The following FAM184B variants were observed in gnomAD, a reference collection of about 807,000 sequenced individuals.
FAM184B encodes the protein family with sequence similarity 184 member B, also known as protein FAM184B.
In FAM184B, 111 loss-of-function variants were observed where a neutral mutation model predicts 135.9. That is an observed-to-expected ratio of 0.82 (90% CI 0.70 to 0.96). FAM184B has a LOEUF of 0.96. Among genes scored for constraint, FAM184B ranks in the 40% least tolerant of loss-of-function variants. FAM184B has a pLI of 0.00. For synonymous variants in FAM184B, 552 were observed against 524.8 expected (o/e 1.05, Z -0.71); for missense variants, 1,375 against 1,323.9 (o/e 1.04, Z -0.60).
At chr4:17,760,425 G>A (rs1365408504) in intron 1 of FAM184B, among the ~76,000 whole-genome samples, 5 of 149,916 alleles carry the variant, frequency 3.3e-5, no homozygotes, top group Non-Finnish European at 5.9e-5. Flanking sequence ...AGCCAAGATC[G>A]CACCACTGTA....
chr4:17,651,407 G>A (rs541501946), intron 11 of FAM184B, among the ~76,000 whole-genome samples: 24 of 151,650 alleles, frequency 1.6e-4, no homozygotes, highest in South Asian at 1.3e-3. Flanking sequence ...GCGTGGTGGC[G>A]GGCGCCTGTA....
chr4:17,665,426 C>T (rs781126031), intron 7 of FAM184B, among the ~76,000 whole-genome samples: 3 of 152,140 alleles, frequency 2.0e-5, no homozygotes, highest in Non-Finnish European at 4.4e-5. Flanking sequence ...CCACACTGTC[C>T]ATGAAAACAG....
intron 1 of FAM184B, among the ~76,000 whole-genome samples, chr4:17,755,807 A>T (rs1034171207): frequency 3.3e-5 from 5 of 152,218 alleles, no homozygotes; most frequent in African/African-American, 1.2e-4. Flanking sequence ...CTAACGCAGG[A>T]ACAGAAAACC....
chr4:17,740,645 AG>A (rs935766885), intron 1 of FAM184B, among the ~76,000 whole-genome samples: 82 of 152,346 alleles, frequency 5.4e-4, no homozygotes, highest in African/African-American at 1.9e-3. Flanking sequence ...CACAACAGAC[AG>A]AAAAGGAAGA....
intron 1 of FAM184B, among the ~76,000 whole-genome samples, chr4:17,765,902 C>G (rs975990368): frequency 1.3e-5 from 2 of 152,116 alleles, no homozygotes; most frequent in African/African-American, 4.8e-5. Context: ...TGCAGACCTT[C>G]GCGGTGGTGA....
At chr4:17,636,717 A>G (rs1032146096) in intron 14 of FAM184B, 72 bp from the exon 15 acceptor site, 2 of 1,247,426 alleles carry the variant, frequency 1.6e-6, no homozygotes, top group Non-Finnish European at 2.2e-6. Context: ...ACAAGTGCAC[A>G]CGATGGGAAT....
chr4:17,754,625 A>G (rs1306331425), intron 1 of FAM184B, among the ~76,000 whole-genome samples: 1 of 151,916 alleles, frequency 6.6e-6, no homozygotes, highest in East Asian at 1.9e-4. Flanking sequence ...TTACTGACAC[A>G]TCCTGGGTGG....
chr4:17,731,513 G>A (rs1717774836), intron 1 of FAM184B, among the ~76,000 whole-genome samples: 1 of 152,092 alleles, frequency 6.6e-6, no homozygotes, highest in Non-Finnish European at 1.5e-5. Context: ...ACAAAAAAAG[G>A]CAGGGATTGC....
chr4:17,761,655 C>A (rs1225834601), intron 1 of FAM184B, among the ~76,000 whole-genome samples: 3 of 152,074 alleles, frequency 2.0e-5, no homozygotes, highest in Non-Finnish European at 4.4e-5. Flanking sequence ...GCCTCCCAAG[C>A]AGCTGGGATT....
chr4:17,694,357 A>C (rs984478549), intron 5 of FAM184B, among the ~76,000 whole-genome samples: 4 of 152,112 alleles, frequency 2.6e-5, no homozygotes, highest in African/African-American at 7.2e-5. Flanking sequence ...CCCCGTCTCC[A>C]CTAAAAATAC....
chr4:17,726,796 G>A lies in FAM184B; in HGVS notation c.142-17152C>T, dbSNP rs968296464. On this transcript the variant is annotated intron_variant, in intron 1 of 17. Transcript: ENST00000265018. ...GCAGCTTCAGGATTTTATTTTCCCA[G>A]CTCAGCCTGCCCCAGGAAAGAGAAC... 3.3e-5 allele frequency among the ~76,000 whole-genome samples: 5 copies of A among 152,242 alleles called. No individual in the cohort carries two copies. In the East Asian group the frequency reaches 9.7e-4, roughly 29 times the overall value.
chr4:17,757,441 A>G (rs1458356381), intron 1 of FAM184B, among the ~76,000 whole-genome samples: 1 of 152,172 alleles, frequency 6.6e-6, no homozygotes, highest in African/African-American at 2.4e-5. Context: ...ATTTGGGTTA[A>G]ATATGAACAC....
rs1439397374 is a variant in FAM184B at position 17,635,062 on chromosome 4, T to A, written c.2836A>T (p.Asn946Tyr). The A allele has an allele frequency of 1.9e-6, 3 of 1,551,734 alleles. No individual in the cohort carries two copies. In the African/African-American group the frequency reaches 4.1e-5, roughly 21 times the overall value. The stretch of plus-strand genomic sequence containing the variant: ...TGAGGATTGAAAGAGAAAGACCGAT[T>A]CCGGTGGGACATGGCACTGGGGAAT... ...AAFPSAMSHR[N>Y]RSFSFNPHPG... The change falls in exon 16 of 18, where the codon AAT (asparagine) becomes TAT (tyrosine). Residue 946 changes from asparagine (N) to tyrosine (Y), a missense_variant. By Grantham distance (143) the Asn-to-Tyr change is moderately radical. Coordinates refer to ENST00000265018, the MANE Select transcript of FAM184B (RefSeq NM_015688.2).
chr4:17,731,185 A>G (rs1717766908), intron 1 of FAM184B, among the ~76,000 whole-genome samples: 1 of 152,240 alleles, frequency 6.6e-6, no homozygotes, highest in African/African-American at 2.4e-5. Flanking sequence ...AGCACTAAAC[A>G]TGGAAAGGAA....
intron 7 of FAM184B, among the ~76,000 whole-genome samples, chr4:17,667,533 G>A (rs1034827010): frequency 6.6e-6 from 1 of 152,190 alleles, no homozygotes; most frequent in African/African-American, 2.4e-5. Context: ...GGAATCCACT[G>A]CCCACTGTGC....
At chr4:17,742,168 A>ATATATATATATTT (rs1459958150) in intron 1 of FAM184B, among the ~76,000 whole-genome samples, 1 of 109,304 alleles carries the variant, frequency 9.1e-6, no homozygotes, top group African/African-American at 4.8e-5. Flanking sequence ...ATATATATAT[A>ATATATATATATTT]TTTTTTTTTT....
chr4:17,641,988 AGGGGGAGG>A, intron 13 of FAM184B, 60 bp downstream of exon 13: 1 of 964,230 alleles, frequency 1.0e-6, no homozygotes, highest in African/African-American at 4.1e-5. Flanking sequence ...CAGCCGCAGT[AGGGGGAGG>A]GGGGGTGGCG....
At chr4:17,638,147 T>C (rs1487781057) in intron 14 of FAM184B, among the ~76,000 whole-genome samples, 2 of 130,280 alleles carry the variant, frequency 1.5e-5, no homozygotes, top group African/African-American at 8.0e-5. Flanking sequence ...TTTTTTTTTT[T>C]TTTTTTTTTT....
chr4:17,652,807 T>A (rs1320558175), intron 11 of FAM184B, 23 bp downstream of exon 11: 3 of 1,539,532 alleles, frequency 1.9e-6, no homozygotes, highest in African/African-American at 2.7e-5. Context: ...CAGGCCCTCC[T>A]CAGTACACTA....
Sources: gnomAD v4.1 joint callset for allele counts (sites outside exome capture counted in the v4.1 genomes callset) on GRCh38, gnomAD v4.1.1 for gene constraint, MANE v1.5 for transcripts, NCBI Gene and HGNC (gene_info 2026-07-23, HGNC 2026-07-21) for gene names.